FBXL17: variants seen among roughly 807,000 people sequenced by gnomAD.
FBXL17 encodes the protein F-box/LRR-repeat protein 17.
A neutral mutation model predicts 66.2 loss-of-function variants in FBXL17; 22 were observed. That is an observed-to-expected ratio of 0.33 (90% confidence interval 0.24 to 0.47). The LOEUF (loss-of-function observed/expected upper bound fraction) is 0.47, where lower values mean the gene tolerates loss of function less well. Among genes scored for constraint, FBXL17 ranks in the 20% least tolerant of loss-of-function variants. The pLI is 1.00. For missense variants in FBXL17, 878 were observed against 948.2 expected (o/e 0.93, Z 0.97); for synonymous variants, 474 against 400.5 (o/e 1.18, Z -2.19).
intron 7 of FBXL17, among the ~76,000 whole-genome samples, chr5:107,998,515 C>T (rs1455146236): frequency 6.6e-6 from 1 of 151,766 alleles, no homozygotes; most frequent in African/African-American, 2.4e-5. Context: ...TTATAATCTA[C>T]AGAGATAAGA....
At chr5:108,261,097 A>C (rs939220199) in intron 4 of FBXL17, among the ~76,000 whole-genome samples, 1 of 152,200 alleles carries the variant, frequency 6.6e-6, no homozygotes, top group Non-Finnish European at 1.5e-5. Flanking sequence ...AAACAGTAGG[A>C]TAAATACAGT....
intron 6 of FBXL17, among the ~76,000 whole-genome samples, chr5:108,165,713 C>T (rs1752391013): frequency 6.6e-6 from 1 of 152,140 alleles, no homozygotes; most frequent in Non-Finnish European, 1.5e-5. Flanking sequence ...ATGGGTTGTC[C>T]TGCTCGGGAG....
intron 6 of FBXL17, among the ~76,000 whole-genome samples, chr5:108,044,167 C>T (rs1399395496): frequency 6.6e-6 from 1 of 152,026 alleles, no homozygotes; most frequent in Non-Finnish European, 1.5e-5. Context: ...AATCTGTATG[C>T]CTTTATTACT....
At chr5:108,297,116 A>G (rs1758379767) in intron 4 of FBXL17, among the ~76,000 whole-genome samples, 1 of 151,618 alleles carries the variant, frequency 6.6e-6, no homozygotes. Flanking sequence ...AAATAATCAT[A>G]TTTAATAACT....
chr5:108,267,555 T>G (rs1757094652), intron 4 of FBXL17, among the ~76,000 whole-genome samples: 1 of 152,032 alleles, frequency 6.6e-6, no homozygotes, highest in Non-Finnish European at 1.5e-5. Context: ...ATTTCCCATT[T>G]CTATAAAAAC....
At chr5:108,363,875 T>C (rs1748495522) in intron 3 of FBXL17, among the ~76,000 whole-genome samples, 1 of 151,994 alleles carries the variant, frequency 6.6e-6, no homozygotes. Context: ...ATACACAAAA[T>C]ATATATTTCT....
intron 4 of FBXL17, among the ~76,000 whole-genome samples, chr5:108,348,101 T>C (rs1396020381): frequency 2.9e-4 from 44 of 152,208 alleles, no homozygotes; most frequent in Non-Finnish European, 2.5e-4. Flanking sequence ...AGACTTATGT[T>C]TGGCAAACAA....
intron 5 of FBXL17, among the ~76,000 whole-genome samples, chr5:108,188,403 G>A (rs1191365254): frequency 6.6e-6 from 1 of 152,168 alleles, no homozygotes; most frequent in Non-Finnish European, 1.5e-5. Flanking sequence ...CAGAGCTTCA[G>A]GAAAAGCTCT....
chr5:108,286,193 T>C (rs1268073491), intron 4 of FBXL17, among the ~76,000 whole-genome samples: 2 of 151,974 alleles, frequency 1.3e-5, no homozygotes, highest in Admixed American at 6.6e-5. Flanking sequence ...TCATACTGAA[T>C]GGGCAAAAGC....
At chr5:108,045,502 C>T (rs1437992911) in intron 6 of FBXL17, among the ~76,000 whole-genome samples, 27 of 152,062 alleles carry the variant, frequency 1.8e-4, no homozygotes, top group Admixed American at 1.8e-3. Flanking sequence ...GTTGGCTTTA[C>T]ACTGCTCTTC....
intron 6 of FBXL17, among the ~76,000 whole-genome samples, chr5:108,112,885 CTG>C (rs1403614311): frequency 8.1e-6 from 1 of 123,196 alleles, no homozygotes; most frequent in Non-Finnish European, 1.9e-5. Context: ...GATATTTTAA[CTG>C]TAAAATAGGG....
intron 4 of FBXL17, among the ~76,000 whole-genome samples, chr5:108,291,459 A>G (rs1283168924): frequency 6.6e-6 from 1 of 152,012 alleles, no homozygotes; most frequent in Non-Finnish European, 1.5e-5. Flanking sequence ...ATGAATCTCA[A>G]ACAGTTGCCT....
chr5:107,910,605 G>A (rs1749918368), intron 7 of FBXL17, among the ~76,000 whole-genome samples: 1 of 152,006 alleles, frequency 6.6e-6, no homozygotes, highest in Admixed American at 6.6e-5. Flanking sequence ...ATTGGAAAGA[G>A]GCAAAATGAT....
intron 5 of FBXL17, among the ~76,000 whole-genome samples, chr5:108,194,951 A>G (rs542872895): frequency 6.6e-6 from 1 of 152,352 alleles, no homozygotes; most frequent in South Asian, 2.1e-4. Flanking sequence ...TTAAAAATCC[A>G]GTTACTGAAA....
intron 3 of FBXL17, among the ~76,000 whole-genome samples, chr5:108,357,952 G>A (rs1426482649): frequency 2.0e-5 from 3 of 152,084 alleles, no homozygotes; most frequent in Non-Finnish European, 4.4e-5. Context: ...TTTGGATGCT[G>A]TTGTAAATGA....
Position 108,259,501 on chromosome 5 carries a change from T to C in FBXL17, c.1507-35273A>G, listed in dbSNP as rs558187235. On this transcript the variant is annotated intron_variant, in intron 4 of 8. Transcript: ENST00000542267. ...GACCTGCCAGCTGCTGGCTGTACTA[T>C]CAGGTCTAACACACTTAACCTCTCT... Among the ~76,000 whole-genome samples, 3 of 152,306 alleles carry C rather than the reference T, an allele frequency of 2.0e-5. No individual in the cohort carries two copies. In the South Asian group the frequency reaches 6.2e-4, roughly 32 times the overall value.
intron 7 of FBXL17, among the ~76,000 whole-genome samples, chr5:107,923,994 G>A (rs1750409607): frequency 6.6e-6 from 1 of 151,878 alleles, no homozygotes; most frequent in South Asian, 2.1e-4. Context: ...GCTAGGAGAG[G>A]GGGCTACTAT....
chr5:108,280,594 A>G (rs766026368), intron 4 of FBXL17, among the ~76,000 whole-genome samples: 1 of 151,960 alleles, frequency 6.6e-6, no homozygotes, highest in Non-Finnish European at 1.5e-5. Context: ...AAACTACAAT[A>G]ACAAATACAG....
chr5:108,195,241 T>G (rs776850582), intron 5 of FBXL17, among the ~76,000 whole-genome samples: 1 of 151,872 alleles, frequency 6.6e-6, no homozygotes, highest in East Asian at 1.9e-4. Flanking sequence ...ACAAGCTGGA[T>G]GGAAAAGAGA....
Sources: allele counts gnomAD v4.1 joint callset (sites outside exome capture counted in the v4.1 genomes callset), GRCh38; gene constraint gnomAD v4.1.1; transcripts MANE v1.5; gene names NCBI Gene and HGNC (gene_info 2026-07-23, HGNC 2026-07-21).